CCDC127: variants seen among roughly 807,000 people sequenced by gnomAD.
CCDC127 encodes coiled-coil domain-containing protein 127.
CCDC127 carries 2 observed loss-of-function variants against 4.1 expected under a neutral mutation model. That is an observed-to-expected ratio of 0.49 (90% CI 0.20 to 1.53). The LOEUF (loss-of-function observed/expected upper bound fraction) is 1.53. CCDC127 is among the 40% of genes most tolerant of loss of function. The pLI, the probability that CCDC127 is intolerant of heterozygous loss-of-function variation, is 0.23. For synonymous variants in CCDC127, 98 were observed against 120.4 expected, an observed-to-expected ratio of 0.81 and a Z score of 1.22; for missense variants, 271 against 322.9, an observed-to-expected ratio of 0.84 and a Z score of 1.23.
At chr5:209,846 A>C (rs1734243828) in intron 2 of CCDC127, among the ~76,000 whole-genome samples, 1 of 152,258 alleles carries the variant, frequency 6.6e-6, no homozygotes, top group Non-Finnish European at 1.5e-5. Context: ...ACACATTACT[A>C]AGCTGATGAA....
rs1734128475 is a variant in CCDC127, at chr5:204,434, T to C, written c.*863A>G. On this transcript the variant is annotated 3_prime_UTR_variant, in exon 3 of 3. Coordinates refer to ENST00000296824, the MANE Select transcript of CCDC127 (RefSeq NM_145265.3). The stretch of plus-strand genomic sequence containing the variant: ...TGTGACATGGGGTGATAAGTGCCTG[T>C]CTACCTTGTTGGCTGTGGTAAACAA... 6.6e-6 allele frequency: 1 copy of C among 152,262 alleles called. No individual in the cohort carries two copies. The highest frequency in any genetic ancestry group is 1.5e-5 in the Non-Finnish European group (1 of 68,048). The allele number at this position is 152,262 out of a possible 1,614,324, so 9.4% of individuals were successfully genotyped here. A position where few individuals can be genotyped will look rare whatever the true frequency, so the allele number is the denominator to read the frequency against.
At position 198,963 on chromosome 5, in the gene CCDC127, G is replaced by A. The variant is rs1352563671; in HGVS notation, c.*6334C>T. 6.6e-6 allele frequency: 1 copy of A among 152,340 alleles called. No individual in the cohort carries two copies. Among genetic ancestry groups the A allele is most frequent in the Non-Finnish European group, 1.5e-5 (1 of 68,114 alleles). 9.4% of individuals were successfully genotyped at this position (152,340 alleles called of 1,614,324 possible). ...GCAAACATCCATGGTGGCTGTAGCT[G>A]GGGCTGCTCCTGGCGGAGCCTCAGG... On this transcript the variant is annotated 3_prime_UTR_variant, in exon 3 of 3. Coordinates refer to ENST00000296824, the MANE Select transcript of CCDC127 (RefSeq NM_145265.3).
At position 216,749 on chromosome 5, in the gene CCDC127, A is replaced by G; in HGVS notation, c.101T>C (p.Met34Thr). Residue 34 changes from methionine to threonine, a missense_variant, in exon 2 of 3, where the codon ATG becomes ACG. Transcript: ENST00000296824. ...CTTACGAAAAGCAGCCAATCCCAGC[A>G]TTGGAACCAACAGGGCATAATTCCA... ...SRWNYALLVP[M>T]LGLAAFRWIW... 1.9e-6 allele frequency: 3 copies of G among 1,613,438 alleles called. No individual in the cohort carries two copies. The highest frequency in any genetic ancestry group is 2.5e-6 in the Non-Finnish European group (3 of 1,179,666).
intron 2 of CCDC127, chr5:214,005 A>G (rs1266003838): frequency 6.6e-6 from 1 of 152,274 alleles, no homozygotes; most frequent in Non-Finnish European, 1.5e-5. Context: ...CGACTCAGCA[A>G]TGAAACTATC....
chr5:217,916 A>G (rs937420866), intron 1 of CCDC127, among the ~76,000 whole-genome samples, 177 bp downstream of exon 1: 6 of 152,270 alleles, frequency 3.9e-5, no homozygotes, highest in Non-Finnish European at 7.3e-5. Context: ...ATAATAAACA[A>G]GAGGTCGGAG....
chr5:209,192 C>T (rs1406235947), intron 2 of CCDC127, among the ~76,000 whole-genome samples: 4 of 8,222 alleles, frequency 4.9e-4, no homozygotes, highest in African/African-American at 2.1e-3. Context: ...CGCAGCCTGG[C>T]CACACACATC....
At chr5:217,806 A>G (rs2115273) in intron 1 of CCDC127, among the ~76,000 whole-genome samples, 14,084 of 152,222 alleles carry the variant, frequency 0.093, 896 homozygotes, top group Non-Finnish European at 0.12. Context: ...ACCTACACGA[A>G]GTTTCACATT....
rs989869189 is a variant in CCDC127 at position 204,235 on chromosome 5, TCTGTGCTGAGTCCAACC to T, written c.*1045_*1061del. The T allele has an allele frequency of 6.6e-6, 1 of 152,372 alleles. No individual in the cohort carries two copies. The highest frequency in any genetic ancestry group is 2.4e-5 in the African/African-American group (1 of 41,456). The allele number at this position is 152,372 out of a possible 1,614,324, so 9.4% of individuals were successfully genotyped here. On this transcript the variant is annotated 3_prime_UTR_variant, in exon 3 of 3. Transcript: ENST00000296824. ...CACCCTCTCCCTTTGCTGATTCTGC[TCTGTGCTGAGTCCAACC>T]CTGTGCTGAGTCCTGTGAGATCTCC...
At chr5:206,565 C>A (rs1202023767) in intron 2 of CCDC127, among the ~76,000 whole-genome samples, 1 of 152,162 alleles carries the variant, frequency 6.6e-6, no homozygotes, top group Non-Finnish European at 1.5e-5. Context: ...GCAGAGAAAT[C>A]CAGCGCCTCT....
chr5:218,040 G>A, intron 1 of CCDC127, 53 bp downstream of exon 1: 1 of 1,046,166 alleles, frequency 9.6e-7, no homozygotes. Context: ...ACCACCCACG[G>A]GGCTTTAAAA....
intron 2 of CCDC127, 21 bp from the exon 3 acceptor site, chr5:205,979 T>G: frequency 6.3e-7 from 1 of 1,578,940 alleles, no homozygotes. Context: ...TGAAGAAAAA[T>G]ACACATAATG....
At position 199,656 on chromosome 5, in the gene CCDC127, T is replaced by TG. The variant is rs1734035727; in HGVS notation, c.*5640dup. 6.6e-6 allele frequency: 1 copy of TG among 152,404 alleles called. No individual in the cohort carries two copies. Among genetic ancestry groups the TG allele is most frequent in the South Asian group, 2.1e-4 (1 of 4,826 alleles). 9.4% of individuals were successfully genotyped at this position (152,404 alleles called of 1,614,324 possible). A position where few individuals can be genotyped will look rare whatever the true frequency, so the allele number is the denominator to read the frequency against. On this transcript the variant is annotated 3_prime_UTR_variant, in exon 3 of 3. Transcript: ENST00000296824. ...CAGCCACCTCGGAGCTATGGCACAG[T>TG]GCTGTCAAGAGCAGGGCCCCAGCAC...
chr5:208,782 G>A (rs1393120889), intron 2 of CCDC127, among the ~76,000 whole-genome samples: 1 of 152,256 alleles, frequency 6.6e-6, no homozygotes, highest in African/African-American at 2.4e-5. Flanking sequence ...AAGAAAGCCA[G>A]CTAAGACCGA....
Position 205,846 on chromosome 5 carries a change from G to C in CCDC127, c.234C>G (p.Ile78Met). Reference protein sequence around the residue: ...QDLEAKYHAMISENRRAVAQL... With the variant: ...QDLEAKYHAMMSENRRAVAQL... ...GAGCGACAGCACGCCGATTTTCTGA[G>C]ATCATGGCGTGGTACTTGGCTTCCA... Residue 78 changes from isoleucine to methionine, a missense_variant, in exon 3 of 3, where the codon ATC becomes ATG. Physicochemically the swap from Ile to Met is conservative, Grantham distance 10 (BLOSUM62 1). Transcript: ENST00000296824. The C allele has an allele frequency of 6.2e-7, 1 of 1,614,212 alleles. No individual in the cohort carries two copies. The highest frequency in any genetic ancestry group is 2.2e-5 in the East Asian group (1 of 44,888).
chr5:206,511 G>A (rs541461500), intron 2 of CCDC127, among the ~76,000 whole-genome samples: 5 of 152,336 alleles, frequency 3.3e-5, no homozygotes, highest in African/African-American at 4.8e-5. Context: ...GGCACTGCCC[G>A]GCTCTGCCCC....
chr5:214,274 A>G (rs1012048329), intron 2 of CCDC127: 6 of 152,200 alleles, frequency 3.9e-5, no homozygotes, highest in African/African-American at 1.4e-4. Context: ...GTGACACTGC[A>G]CTATCGTTTT....
intron 2 of CCDC127, among the ~76,000 whole-genome samples, chr5:209,763 C>G (rs979165682): frequency 3.3e-5 from 5 of 152,252 alleles, no homozygotes; most frequent in African/African-American, 1.2e-4. Flanking sequence ...AAAACTAATT[C>G]TACAGCACGG....
At chr5:210,301 T>G (rs1734256491) in intron 2 of CCDC127, among the ~76,000 whole-genome samples, 1 of 152,152 alleles carries the variant, frequency 6.6e-6, no homozygotes, top group Admixed American at 6.5e-5. Context: ...CTGCCCTTCA[T>G]CAAAATTACA....
At chr5:215,019 TCC>T (rs1363084061) in intron 2 of CCDC127, 2 of 149,658 alleles carry the variant, frequency 1.3e-5, no homozygotes, top group Non-Finnish European at 3.0e-5. Context: ...AGGGCAAGAC[TCC>T]GTCTCGAAAA....
Sources: gnomAD v4.1 joint callset for allele counts (sites outside exome capture counted in the v4.1 genomes callset) on GRCh38, gnomAD v4.1.1 for gene constraint, MANE v1.5 for transcripts, NCBI Gene and HGNC (gene_info 2026-07-23, HGNC 2026-07-21) for gene names.